Variants in MAP3K4 observed in about 807,000 individuals in gnomAD.
MAP3K4 encodes mitogen-activated protein kinase kinase kinase 4, also known as MAP three kinase 1.
Under a neutral mutation model 185.6 loss-of-function variants are expected in MAP3K4, and 67 were observed. The ratio of observed to expected loss-of-function variants is 0.36; its 90% CI spans 0.30 to 0.44. The LOEUF is 0.44. Ranked by LOEUF, MAP3K4 falls within the 20% of genes least tolerant of loss-of-function variation. The pLI is 1.00. For missense variants in MAP3K4, 1,551 were observed against 1,995.1 expected, an observed-to-expected ratio of 0.78 and a Z score of 4.24; for synonymous variants, 702 against 710.4, an observed-to-expected ratio of 0.99 and a Z score of 0.19.
At position 161,091,928 on chromosome 6, in the gene MAP3K4, C is replaced by A; in HGVS notation, c.3136-82C>A. 8.5e-7 allele frequency: 1 copy of A among 1,181,150 alleles called. No homozygotes were observed. Among genetic ancestry groups the A allele is most frequent in the Non-Finnish European group, 1.2e-6 (1 of 827,424 alleles). The allele number at this position is 1,181,150 out of a possible 1,614,324, so 73.2% of individuals were successfully genotyped here. ...GATTTCACTTTTTGTTTTTAGAAAA[C>A]ATTTTAGACATGGCATTATAGTGTG... On this transcript the variant is annotated intron_variant, in intron 12 of 26. Transcript: ENST00000392142. The surrounding 1 kb of genome is among the most constrained non-coding windows in gnomAD (Gnocchi z 5.5).
At position 161,086,657 on chromosome 6, in the gene MAP3K4, A is replaced by G. The variant is rs1785728311; in HGVS notation, c.2546A>G (p.Gln849Arg). ...RDLLDVLKSK[Q>R]YVKVQIPGLE... ...CTCCTGGATGTTCTGAAATCAAAACAGTATGTCAAGGTAAGTACTTCAAAT... is the reference window on the plus strand; with the variant it reads ...CTCCTGGATGTTCTGAAATCAAAACGGTATGTCAAGGTAAGTACTTCAAAT... Residue 849 changes from glutamine to arginine, a missense_variant, in exon 9 of 27, where the codon CAG (glutamine) becomes CGG (arginine). This residue lies in a region of MAP3K4 where 261 missense variants were observed against 306.5 expected (regional missense o/e 0.85). Transcript: ENST00000392142. The surrounding 1 kb of genome is among the most constrained non-coding windows in gnomAD (Gnocchi z 4.8). The G allele has an allele frequency of 6.2e-7, 1 of 1,612,232 alleles. No homozygotes were observed. Among genetic ancestry groups the G allele is most frequent in the Admixed American group, 1.7e-5 (1 of 59,702 alleles).
At chr6:161,036,995 G>C (rs1461217235) in intron 2 of MAP3K4, among the ~76,000 whole-genome samples, 1 of 152,162 alleles carries the variant, frequency 6.6e-6, no homozygotes, top group Non-Finnish European at 1.5e-5. Context: ...GAGGAAACTG[G>C]CTCAGAGAAG....
At position 161,084,100 on chromosome 6, in the gene MAP3K4, A is replaced by C. The variant is rs547096135; in HGVS notation, c.2256-401A>C. Among the ~76,000 whole-genome samples the C allele has an allele frequency of 6.6e-6, 1 of 152,378 alleles. No individual in the cohort carries two copies. The highest frequency in any genetic ancestry group is 1.5e-5 in the Non-Finnish European group (1 of 68,040). On this transcript the variant is annotated intron_variant, in intron 6 of 26. Coordinates refer to ENST00000392142, the MANE Select transcript of MAP3K4 (RefSeq NM_005922.4). This position sits in a 1 kb window ranked among gnomAD's most constrained non-coding sequence, Gnocchi z 4.6. ...ATAGAGTGTTTCATGTTTATTGACT[A>C]TACAAAGCTAATTGTGGGGGAAATT... is the stretch of plus-strand genomic sequence containing the variant.
intron 2 of MAP3K4, among the ~76,000 whole-genome samples, chr6:161,046,042 T>C (rs998218711): frequency 6.6e-5 from 10 of 152,142 alleles, no homozygotes; most frequent in African/African-American, 2.4e-4. Flanking sequence ...AAGCCCAACA[T>C]GTGTGTTTTT....
At chr6:161,010,740 C>T (rs1455635368) in intron 1 of MAP3K4, among the ~76,000 whole-genome samples, 1 of 152,192 alleles carries the variant, frequency 6.6e-6, no homozygotes, top group East Asian at 1.9e-4. Flanking sequence ...AAGAATTTAT[C>T]CTGCTACATG....
chr6:161,047,634 A>C (rs1783796923), intron 2 of MAP3K4, among the ~76,000 whole-genome samples: 1 of 152,178 alleles, frequency 6.6e-6, no homozygotes, highest in African/African-American at 2.4e-5. Flanking sequence ...CCCAGGGAGA[A>C]GAGATCTAAG....
chr6:161,040,654 A>T (rs1783409388), intron 2 of MAP3K4, among the ~76,000 whole-genome samples: 1 of 152,232 alleles, frequency 6.6e-6, no homozygotes, highest in Non-Finnish European at 1.5e-5. Flanking sequence ...CACTCAAAGG[A>T]TAAAGCCATC....
intron 13 of MAP3K4, among the ~76,000 whole-genome samples, chr6:161,092,465 G>A (rs1777370064): frequency 6.6e-6 from 1 of 151,996 alleles, no homozygotes; most frequent in Admixed American, 6.5e-5. Context: ...AATTTGCAGG[G>A]GTGAAATGGG....
chr6:160,994,653 A>G (rs1318078133), intron 1 of MAP3K4, among the ~76,000 whole-genome samples: 1 of 152,144 alleles, frequency 6.6e-6, no homozygotes, highest in African/African-American at 2.4e-5. Context: ...GTAGATACTC[A>G]GTAGTGGGAT....
At chr6:161,023,602 C>T (rs149137390) in intron 1 of MAP3K4, among the ~76,000 whole-genome samples, 93 of 152,274 alleles carry the variant, frequency 6.1e-4, no homozygotes, top group African/African-American at 2.0e-3. Context: ...ATGATTGTTA[C>T]AATAAATATT....
In MAP3K4 at chr6:161,108,643, T is replaced by A. The variant is rs1046093092; in HGVS notation, c.4120-100T>A. ...TTGTTTTTAATTGACAAATCATGAT[T>A]ACATATATTTATGGGGTGCAAAATG... On this transcript the variant is annotated intron_variant, in intron 21 of 26. Coordinates refer to ENST00000392142, the MANE Select transcript of MAP3K4 (RefSeq NM_005922.4). The surrounding 1 kb of genome is among the most constrained non-coding windows in gnomAD (Gnocchi z 5.7). 20 of 731,164 alleles carry A rather than the reference T, an allele frequency of 2.7e-5. No individual in the cohort carries two copies. The highest frequency in any genetic ancestry group is 4.3e-5 in the Non-Finnish European group (18 of 414,002). 45.3% of individuals were successfully genotyped at this position (731,164 alleles called of 1,614,324 possible). A position where few individuals can be genotyped will look rare whatever the true frequency, so the allele number is the denominator to read the frequency against.
intron 13 of MAP3K4, among the ~76,000 whole-genome samples, chr6:161,092,531 G>A (rs1183034103): frequency 2.0e-5 from 3 of 152,256 alleles, no homozygotes; most frequent in African/African-American, 4.8e-5. Context: ...AGTTATTAAA[G>A]TGTCATGACT....
rs760514634 is a variant in MAP3K4 at position 161,049,171 on chromosome 6, C to T, written c.899C>T (p.Thr300Ile). ...CCAGATATTATTAATGAAATCCTTA[C>T]TTTCAAAGTCGACTATGGGAGCTTC... is the stretch of plus-strand genomic sequence containing the variant. The part of the protein sequence containing the change: ...AIPDIINEIL[T>I]FKVDYGSFAF... The change falls in exon 3 of 27, where the codon ACT (threonine) becomes ATT (isoleucine). Residue 300 changes from threonine (T) to isoleucine (I), a missense_variant. Transcript: ENST00000392142. The surrounding 1 kb of genome is among the most constrained non-coding windows in gnomAD (Gnocchi z 8.4). The T allele has an allele frequency of 2.5e-6, 4 of 1,614,076 alleles. No homozygotes were observed. In the South Asian group the frequency reaches 3.3e-5, roughly 13 times the overall value.
intron 1 of MAP3K4, among the ~76,000 whole-genome samples, chr6:161,025,919 C>G (rs2115132283): frequency 6.6e-6 from 1 of 152,234 alleles, no homozygotes; most frequent in Admixed American, 6.5e-5. Context: ...ACCTATGGTT[C>G]TCTTTAGTTA....
rs1334701940 is a variant in MAP3K4, at chr6:161,088,838, A to C, written c.2824-484A>C. 2.0e-5 allele frequency among the ~76,000 whole-genome samples: 3 copies of C among 152,196 alleles called. No individual in the cohort carries two copies. Among genetic ancestry groups the C allele is most frequent in the Admixed American group, 6.5e-5 (1 of 15,280 alleles). On this transcript the variant is annotated intron_variant, in intron 10 of 26. Coordinates refer to ENST00000392142, the MANE Select transcript of MAP3K4 (RefSeq NM_005922.4). The surrounding 1 kb of genome is among the most constrained non-coding windows in gnomAD (Gnocchi z 4.5). ...GCTTCTAGAATGATCATTATAATAC[A>C]TCTGATTGCATCACAGATCTACTTA...
chr6:161,049,945 G>C lies in MAP3K4; in HGVS notation c.1673G>C (p.Arg558Pro). The C allele has an allele frequency of 1.2e-6, 2 of 1,613,066 alleles. No homozygotes were observed. The highest frequency in any genetic ancestry group is 1.3e-5 in the African/African-American group (1 of 74,990). The change falls in exon 3 of 27, where the codon CGT becomes CCT. Residue 558 changes from arginine (R) to proline (P), a missense_variant. Around this residue, in one of 16 missense-constraint regions of MAP3K4, gnomAD observed 86 missense variants for 81.6 expected, o/e 1.05. Coordinates refer to ENST00000392142, the MANE Select transcript of MAP3K4 (RefSeq NM_005922.4). The surrounding 1 kb of genome is among the most constrained non-coding windows in gnomAD (Gnocchi z 8.4). ...ATGGATGGTTCCTTGCAAAGGGCAC[G>C]TATAGCATTGGTAAAGAACGATCGT... is the stretch of plus-strand genomic sequence containing the variant. ...KLMDGSLQRA[R>P]IALVKNDRPV...
At chr6:161,003,633 G>C (rs939088644) in intron 1 of MAP3K4, among the ~76,000 whole-genome samples, 2 of 152,186 alleles carry the variant, frequency 1.3e-5, no homozygotes, top group African/African-American at 4.8e-5. Flanking sequence ...GTAGCTGATT[G>C]TAAGTGCTGT....
chr6:161,012,541 T>A (rs538842850), intron 1 of MAP3K4, among the ~76,000 whole-genome samples: 2 of 152,220 alleles, frequency 1.3e-5, no homozygotes, highest in African/African-American at 4.8e-5. Context: ...ATCATATAAG[T>A]GGCATAACTT....
chr6:161,114,430 C>A lies in MAP3K4; in HGVS notation c.4627-693C>A, dbSNP rs6922585. On this transcript the variant is annotated intron_variant, in intron 25 of 26. Transcript: ENST00000392142. The surrounding 1 kb of genome is among the most constrained non-coding windows in gnomAD (Gnocchi z 4.3). Reference sequence around the variant, plus strand: ...ATAATGTAGCTATGCCTTGCAGCTGCTGAAACAGATCACATATAAGTGCTC... The same window carrying A: ...ATAATGTAGCTATGCCTTGCAGCTGATGAAACAGATCACATATAAGTGCTC... Among the ~76,000 whole-genome samples, 3,100 of 152,272 alleles carry A rather than the reference C, an allele frequency of 0.02. 66 individuals are homozygous for A. Among genetic ancestry groups the A allele is most frequent in the African/African-American group, 0.051 (2,125 of 41,544 alleles).
Sources: allele counts gnomAD v4.1 joint callset (sites outside exome capture counted in the v4.1 genomes callset), GRCh38; gene constraint gnomAD v4.1.1; regional missense constraint gnomAD v4.1.1; non-coding constraint Gnocchi (gnomAD v3.1); transcripts MANE v1.5; gene names NCBI Gene and HGNC (gene_info 2026-07-23, HGNC 2026-07-21).